Variants in SMC1B observed in about 807,000 individuals in gnomAD.
The protein encoded by SMC1B is structural maintenance of chromosomes protein 1B.
Under a neutral mutation model 157.9 loss-of-function variants are expected in SMC1B, and 60 were observed. The ratio of observed to expected loss-of-function variants is 0.38; its 90% CI spans 0.31 to 0.47. The LOEUF is 0.47. SMC1B is among the 20% of genes least tolerant of loss of function. The pLI is 0.99. For synonymous variants in SMC1B, 445 were observed against 483.0 expected (o/e 0.92, Z 1.03); for missense variants, 1,165 against 1,426.2 (o/e 0.82, Z 2.95).
chr22:45,405,383 C>T (rs1481010188), intron 4 of SMC1B, among the ~76,000 whole-genome samples: 7 of 151,696 alleles, frequency 4.6e-5, no homozygotes, highest in African/African-American at 1.7e-4. Context: ...CCCGTCTCTA[C>T]TAAAAATACA....
chr22:45,369,894 A>C (rs1569182098), intron 15 of SMC1B, 60 bp downstream of exon 15: 1 of 979,566 alleles, frequency 1.0e-6, no homozygotes, highest in Non-Finnish European at 1.5e-6. Context: ...CTAAATTATG[A>C]AATAATAACT....
chr22:45,379,673 G>A (rs1357014967), intron 12 of SMC1B, among the ~76,000 whole-genome samples: 1 of 149,156 alleles, frequency 6.7e-6, no homozygotes, highest in Non-Finnish European at 1.5e-5. Flanking sequence ...ATTATAATTA[G>A]GTCTATTCTA....
rs2086703367 is a variant in SMC1B, at chr22:45,359,808, C to T, written c.2859G>A (p.Val953=). 2 of 1,611,600 alleles carry T rather than the reference C, an allele frequency of 1.2e-6. No individual in the cohort carries two copies. Among genetic ancestry groups the T allele is most frequent in the Non-Finnish European group, 1.7e-6 (2 of 1,178,650 alleles). Residue 953 remains valine (V), a synonymous_variant, in exon 18 of 25, where the codon GTG becomes GTA. Coordinates refer to ENST00000357450, the MANE Select transcript of SMC1B (RefSeq NM_148674.5). ...LSGSLDDIIE[V]EMGTEAESTQ... Reference sequence around the variant, plus strand: ...TTACAGTCATTTGCTAGAATACCTCCACTTCAATGATGTCATCCAGTGACC... The same window carrying T: ...TTACAGTCATTTGCTAGAATACCTCTACTTCAATGATGTCATCCAGTGACC...
At chr22:45,358,319 ATTT>A (rs1163333094) in intron 19 of SMC1B, among the ~76,000 whole-genome samples, 1 of 152,166 alleles carries the variant, frequency 6.6e-6, no homozygotes, top group African/African-American at 2.4e-5. Flanking sequence ...AAAACTCCTG[ATTT>A]ACAGCCAACT....
chr22:45,373,223 C>G (rs1007061887), intron 12 of SMC1B, among the ~76,000 whole-genome samples: 4 of 152,216 alleles, frequency 2.6e-5, no homozygotes, highest in African/African-American at 7.2e-5. Context: ...CTGGGGCACA[C>G]GTTCTCAGGA....
At chr22:45,371,351 T>C (rs2086829088) in intron 14 of SMC1B, 120 bp downstream of exon 14, 2 of 1,347,420 alleles carry the variant, frequency 1.5e-6, no homozygotes, top group African/African-American at 3.0e-5. Context: ...AACATTGTTG[T>C]TTCTGACAGG....
intron 22 of SMC1B, among the ~76,000 whole-genome samples, chr22:45,350,771 C>T (rs2086607555): frequency 6.6e-6 from 1 of 152,192 alleles, no homozygotes. Flanking sequence ...ACCCACAGAG[C>T]CATCCCCTTC....
intron 22 of SMC1B, among the ~76,000 whole-genome samples, chr22:45,350,756 TCAAAACCCA>T (rs1156578857): frequency 2.6e-5 from 4 of 152,104 alleles, no homozygotes; most frequent in Admixed American, 6.6e-5. Context: ...GTTGATTAGG[TCAAAACCCA>T]CAGAGCCATC....
In SMC1B at chr22:45,355,118, A is replaced by C; in HGVS notation, c.2962-3T>G. 1 of 1,614,094 alleles carries C rather than the reference A, an allele frequency of 6.2e-7. No homozygotes were observed. The highest frequency in any genetic ancestry group is 8.5e-7 in the Non-Finnish European group (1 of 1,179,986). ...ATTTCTTGATCAGACTGTAGAGCCTATTATGGGCAAAGAACAACACTGACT... is the reference window on the plus strand; with the variant it reads ...ATTTCTTGATCAGACTGTAGAGCCTCTTATGGGCAAAGAACAACACTGACT... On this transcript the variant is annotated splice_region_variant and splice_polypyrimidine_tract_variant and intron_variant, in intron 19 of 24. Coordinates refer to ENST00000357450, the MANE Select transcript of SMC1B (RefSeq NM_148674.5).
At position 45,383,615 on chromosome 22, in the gene SMC1B, TGTAAAA is replaced by T; in HGVS notation, c.1912-8_1912-3del. 1 of 1,579,872 alleles carries T rather than the reference TGTAAAA, an allele frequency of 6.3e-7. No individual in the cohort carries two copies. The highest frequency in any genetic ancestry group is 8.5e-7 in the Non-Finnish European group (1 of 1,170,832). On this transcript the variant is annotated splice_polypyrimidine_tract_variant and splice_region_variant and intron_variant, in intron 11 of 24. Coordinates refer to ENST00000357450, the MANE Select transcript of SMC1B (RefSeq NM_148674.5). ...TAATGTTCCATCAAGAGCTACTGTCTGTAAAAGTAAAAATATTTTGCCCTGGAGAAA... is the reference window on the plus strand; with the variant it reads ...TAATGTTCCATCAAGAGCTACTGTCTGTAAAAATATTTTGCCCTGGAGAAA...
intron 19 of SMC1B, 85 bp downstream of exon 19, chr22:45,358,608 AACTT>A (rs1342609933): frequency 9.8e-6 from 8 of 816,748 alleles, no homozygotes; most frequent in South Asian, 1.9e-5. Context: ...AAAAAAAACA[AACTT>A]AATTCTATCA....
At position 45,369,959 on chromosome 22, in the gene SMC1B, T is replaced by C; in HGVS notation, c.2415A>G (p.Gln805=). 6.5e-7 allele frequency: 1 copy of C among 1,545,898 alleles called. No individual in the cohort carries two copies. The highest frequency in any genetic ancestry group is 8.8e-7 in the Non-Finnish European group (1 of 1,130,670). ...KHVKRQQEID[Q]KRLEFEKQKT... ...ACATCTTTTTATAAAAATACCTTTT[T>C]TGATCAATTTCTTGTTGCCGTTTAA... Residue 805 remains glutamine (Q), a synonymous_variant, in exon 15 of 25, where the codon CAA becomes CAG. Transcript: ENST00000357450.
Position 45,410,595 on chromosome 22 carries a change from C to T in SMC1B, c.110-1697G>A, listed in dbSNP as rs1431260901. ...GCGTGCGCCTGTAATCCCAGCTACT[C>T]GGGAGGCTGAGGCAGAAGAATCACT... is the stretch of plus-strand genomic sequence containing the variant. On this transcript the variant is annotated intron_variant, in intron 1 of 24. Coordinates refer to ENST00000357450, the MANE Select transcript of SMC1B (RefSeq NM_148674.5). Among the ~76,000 whole-genome samples, 8 of 152,162 alleles carry T rather than the reference C, an allele frequency of 5.3e-5. No homozygotes were observed. The East Asian group carries it at 5.8e-4, about 11-fold the overall frequency.
intron 6 of SMC1B, among the ~76,000 whole-genome samples, chr22:45,396,865 G>A (rs183237065): frequency 5.3e-4 from 80 of 152,062 alleles, no homozygotes; most frequent in African/African-American, 1.9e-3. Flanking sequence ...ATGTGGCTTT[G>A]AGGAGACATG....
At chr22:45,407,664 G>T (rs2087278499) in intron 2 of SMC1B, among the ~76,000 whole-genome samples, 1 of 152,064 alleles carries the variant, frequency 6.6e-6, no homozygotes, top group Admixed American at 6.6e-5. Context: ...TCCCAGGCTG[G>T]TCTCAAACTC....
intron 23 of SMC1B, among the ~76,000 whole-genome samples, chr22:45,348,958 C>T (rs1259380933): frequency 2.0e-5 from 3 of 151,954 alleles, no homozygotes; most frequent in African/African-American, 7.3e-5. Flanking sequence ...CCCGCCTCAG[C>T]CTCCCGAAGT....
At chr22:45,381,182 G>A (rs1432263005) in intron 12 of SMC1B, among the ~76,000 whole-genome samples, 1 of 151,992 alleles carries the variant, frequency 6.6e-6, no homozygotes, top group African/African-American at 2.4e-5. Flanking sequence ...TTTCCTTAAT[G>A]CTCCATTACT....
chr22:45,411,062 CTAAAA>C (rs963407746), intron 1 of SMC1B, among the ~76,000 whole-genome samples: 4 of 152,074 alleles, frequency 2.6e-5, no homozygotes, highest in Admixed American at 1.3e-4. Context: ...TTAAATCTGC[CTAAAA>C]TAAATACTTC....
intron 7 of SMC1B, 107 bp downstream of exon 7, chr22:45,396,239 G>T: frequency 1.1e-6 from 1 of 876,594 alleles, no homozygotes; most frequent in Non-Finnish European, 1.7e-6. Flanking sequence ...AATGAAATGA[G>T]ACAGTATAGT....
Sources: gnomAD v4.1 joint callset for allele counts (sites outside exome capture counted in the v4.1 genomes callset) on GRCh38, gnomAD v4.1.1 for gene constraint, MANE v1.5 for transcripts, NCBI Gene and HGNC (gene_info 2026-07-23, HGNC 2026-07-21) for gene names.